The following FSTL1 variants were observed in gnomAD, a reference collection of about 807,000 sequenced individuals.
The protein encoded by FSTL1 is follistatin-related protein 1.
FSTL1 carries 24 observed loss-of-function variants against 45.9 expected under a neutral mutation model. That is an observed-to-expected ratio of 0.52 (90% CI 0.38 to 0.74). The LOEUF (loss-of-function observed/expected upper bound fraction) is 0.74. Ranked by LOEUF, FSTL1 falls within the 30% of genes least tolerant of loss-of-function variation. The pLI is 0.00. For synonymous variants in FSTL1, 120 were observed against 137.6 expected (o/e 0.87, Z 0.89); for missense variants, 340 against 381.8 (o/e 0.89, Z 0.91).
In FSTL1 at chr3:120,394,717, T is replaced by C. The variant is rs1414263630; in HGVS notation, c.*2235A>G. The C allele has an allele frequency of 6.6e-6, 1 of 152,240 alleles. No homozygotes were observed. The highest frequency in any genetic ancestry group is 1.5e-5 in the Non-Finnish European group (1 of 68,048). The allele number at this position is 152,240 out of a possible 1,614,324, so 9.4% of individuals were successfully genotyped here. On this transcript the variant is annotated 3_prime_UTR_variant, in exon 11 of 11. Transcript: ENST00000295633. ...TTTGTTTGCTCCATGCAAAACTTTATGGAAGACTCCCCAGACTAGGCTATT... is the reference window on the plus strand; with the variant it reads ...TTTGTTTGCTCCATGCAAAACTTTACGGAAGACTCCCCAGACTAGGCTATT...
At chr3:120,449,426 T>C (rs916022019) in intron 2 of FSTL1, among the ~76,000 whole-genome samples, 1 of 152,192 alleles carries the variant, frequency 6.6e-6, no homozygotes, top group Non-Finnish European at 1.5e-5. Flanking sequence ...GCCAGACTGT[T>C]TGGGTTCAAA....
At chr3:120,425,011 G>A (rs1025566038) in intron 2 of FSTL1, among the ~76,000 whole-genome samples, 3 of 152,094 alleles carry the variant, frequency 2.0e-5, no homozygotes, top group African/African-American at 4.8e-5. Context: ...ATGGAAGGCC[G>A]AGGGCGGCTA....
intron 2 of FSTL1, among the ~76,000 whole-genome samples, chr3:120,418,506 A>C (rs1232702872): frequency 6.6e-6 from 1 of 152,224 alleles, no homozygotes; most frequent in Non-Finnish European, 1.5e-5. Context: ...CAGAGGCTTA[A>C]ATAACTAGAA....
intron 2 of FSTL1, among the ~76,000 whole-genome samples, chr3:120,433,843 CAG>C (rs1355887630): frequency 3.9e-5 from 6 of 152,214 alleles, no homozygotes; most frequent in African/African-American, 1.4e-4. Flanking sequence ...ATTCCTGGAA[CAG>C]AGAAAAGGCC....
chr3:120,429,603 G>C (rs1456934365), intron 2 of FSTL1, among the ~76,000 whole-genome samples: 1 of 152,074 alleles, frequency 6.6e-6, no homozygotes, highest in Non-Finnish European at 1.5e-5. Context: ...TTTCAAGGGG[G>C]CATGAATTTT....
chr3:120,436,902 A>C (rs944897406), intron 2 of FSTL1, among the ~76,000 whole-genome samples: 5 of 152,184 alleles, frequency 3.3e-5, no homozygotes, highest in Non-Finnish European at 7.3e-5. Context: ...CCTCCATCCC[A>C]AAGCAAGTTT....
rs1936786143 is a variant in FSTL1 at position 120,399,925 on chromosome 3, C to T, written c.840G>A (p.Glu280=). 1.9e-6 allele frequency: 3 copies of T among 1,609,846 alleles called. No individual in the cohort carries two copies. Among genetic ancestry groups the T allele is most frequent in the East Asian group, 2.2e-5 (1 of 44,844 alleles). ...CCTGGACATATCTGGTCATCTCCTC[C>T]TCTGTCTGGGTCTGGGCCCCCTTCT... The part of the protein sequence containing the change: ...KNQKGAQTQT[E]EEMTRYVQEL... Residue 280 remains glutamate (E), a synonymous_variant, in exon 10 of 11, where the codon GAG becomes GAA. Coordinates refer to ENST00000295633, the MANE Select transcript of FSTL1 (RefSeq NM_007085.5).
intron 2 of FSTL1, among the ~76,000 whole-genome samples, chr3:120,448,848 A>T (rs1472627283): frequency 6.6e-6 from 1 of 152,148 alleles, no homozygotes; most frequent in Non-Finnish European, 1.5e-5. Context: ...AATAGATTCC[A>T]GACCTTGGGC....
At position 120,416,112 on chromosome 3, in the gene FSTL1, T is replaced by C; in HGVS notation, c.64-85A>G. 3 of 1,045,030 alleles carry C rather than the reference T, an allele frequency of 2.9e-6. No individual in the cohort carries two copies. In the South Asian group the frequency reaches 3.8e-5, roughly 13 times the overall value. 64.7% of individuals were successfully genotyped at this position (1,045,030 alleles called of 1,614,324 possible). On this transcript the variant is annotated intron_variant, in intron 2 of 10. Transcript: ENST00000295633. Reference sequence around the variant, plus strand: ...CCCATAATGAGATTATCTTTCAGGCTTGGGCTTTGCTCTGGAGTCATGGCT... The same window carrying C: ...CCCATAATGAGATTATCTTTCAGGCCTGGGCTTTGCTCTGGAGTCATGGCT...
chr3:120,441,296 C>T (rs1227290523), intron 2 of FSTL1: 1 of 152,168 alleles, frequency 6.6e-6, no homozygotes, highest in Non-Finnish European at 1.5e-5. Context: ...TTTCTGTTTT[C>T]TTCCCAGTTA....
intron 2 of FSTL1, among the ~76,000 whole-genome samples, chr3:120,443,208 T>A (rs1937662742): frequency 1.3e-5 from 2 of 149,552 alleles, no homozygotes; most frequent in Non-Finnish European, 2.9e-5. Context: ...TTTCAAATTC[T>A]GAGAAGGCAG....
At chr3:120,450,545 T>A in intron 2 of FSTL1, 139 bp downstream of exon 2, 1 of 516,060 alleles carries the variant, frequency 1.9e-6, no homozygotes. Flanking sequence ...CTGCCCCAGC[T>A]CCACCCCAGC....
At chr3:120,443,566 CAG>C (rs772386929) in intron 2 of FSTL1, among the ~76,000 whole-genome samples, 1 of 149,922 alleles carries the variant, frequency 6.7e-6, no homozygotes, top group South Asian at 2.1e-4. Context: ...TATAGAAAGA[CAG>C]AGAGACGTTT....
chr3:120,449,662 G>T (rs907630080), intron 2 of FSTL1, among the ~76,000 whole-genome samples: 8 of 152,184 alleles, frequency 5.3e-5, no homozygotes, highest in African/African-American at 1.9e-4. Flanking sequence ...TAAAAATTGT[G>T]AAGACCTTGT....
intron 2 of FSTL1, among the ~76,000 whole-genome samples, chr3:120,439,668 C>T (rs1018369041): frequency 6.6e-6 from 1 of 152,200 alleles, no homozygotes; most frequent in Non-Finnish European, 1.5e-5. Context: ...AAGCCCTGTG[C>T]CACACACAGG....
intron 2 of FSTL1, among the ~76,000 whole-genome samples, 163 bp from the exon 3 acceptor site, chr3:120,416,190 C>T (rs1365850568): frequency 6.6e-6 from 1 of 152,154 alleles, no homozygotes; most frequent in African/African-American, 2.4e-5. Context: ...GGAGACGTTG[C>T]CTCCAACAGC....
Position 120,396,959 on chromosome 3 carries a change from T to G in FSTL1, c.920A>C (p.Glu307Ala). ...AEKTKRVSTK[E>A]I ...CTGGTCTGTGCCTCCTCATTAGATC[T>G]CTTTGGTGCTCACTCTCTTGGTCTT... Residue 307 changes from glutamate to alanine, a missense_variant, in exon 11 of 11, where the codon GAG becomes GCG. Transcript: ENST00000295633. 1 of 1,611,148 alleles carries G rather than the reference T, an allele frequency of 6.2e-7. No homozygotes were observed. Among genetic ancestry groups the G allele is most frequent in the Non-Finnish European group, 8.5e-7 (1 of 1,177,210 alleles).
rs569072091 is a variant in FSTL1 at position 120,416,911 on chromosome 3, T to C, written c.64-884A>G. Among the ~76,000 whole-genome samples, 16 of 152,300 alleles carry C rather than the reference T, an allele frequency of 1.1e-4. No individual in the cohort carries two copies. The South Asian group carries it at 2.5e-3, about 24-fold the overall frequency. ...GGGGTATTGACAGGCACTGATCTGT[T>C]GGTGGCTCATCCCTTCCCTCCCATT... On this transcript the variant is annotated intron_variant, in intron 2 of 10. Transcript: ENST00000295633.
intron 2 of FSTL1, among the ~76,000 whole-genome samples, chr3:120,450,292 C>A (rs1482867242): frequency 6.6e-6 from 1 of 152,160 alleles, no homozygotes; most frequent in Non-Finnish European, 1.5e-5. Flanking sequence ...TGCCCCCGCC[C>A]CCAGGAGACA....
Sources: allele counts gnomAD v4.1 joint callset (sites outside exome capture counted in the v4.1 genomes callset), GRCh38; gene constraint gnomAD v4.1.1; transcripts MANE v1.5; gene names NCBI Gene and HGNC (gene_info 2026-07-23, HGNC 2026-07-21).